LURAP1L: variants seen among roughly 807,000 people sequenced by gnomAD.
LURAP1L encodes the protein leucine rich adaptor protein 1-like.
In LURAP1L, 12 loss-of-function variants were observed where a neutral mutation model predicts 13.8. The observed-to-expected ratio is 0.87, with a 90% CI of 0.56 to 1.41. LURAP1L has a LOEUF of 1.41. LURAP1L is among the 40% of genes most tolerant of loss of function. The pLI is 0.00. For synonymous variants in LURAP1L, 139 were observed against 119.2 expected, an observed-to-expected ratio of 1.17 and a Z score of -1.08; for missense variants, 375 against 292.9, an observed-to-expected ratio of 1.28 and a Z score of -2.04.
intron 1 of LURAP1L, among the ~76,000 whole-genome samples, chr9:12,789,149 A>G (rs192558814): frequency 1.3e-5 from 2 of 152,062 alleles, no homozygotes; most frequent in African/African-American, 4.8e-5. Flanking sequence ...AATAAAAATT[A>G]AAATGTTGGG....
At chr9:12,794,971 C>T (rs970865851) in intron 1 of LURAP1L, among the ~76,000 whole-genome samples, 2 of 151,870 alleles carry the variant, frequency 1.3e-5, no homozygotes, top group Non-Finnish European at 1.5e-5. Context: ...AGATTTTAAC[C>T]TCCATGGTAT....
intron 1 of LURAP1L, among the ~76,000 whole-genome samples, chr9:12,819,709 C>T (rs1329341041): frequency 6.6e-6 from 1 of 152,096 alleles, no homozygotes; most frequent in Non-Finnish European, 1.5e-5. Context: ...AATCTCAGCA[C>T]TTTGGGAGGC....
At chr9:12,793,863 A>C (rs114173555) in intron 1 of LURAP1L, among the ~76,000 whole-genome samples, 3,607 of 152,186 alleles carry the variant, frequency 0.024, 159 homozygotes, top group African/African-American at 0.083. Flanking sequence ...TTTAATTAAT[A>C]AATAAAATGA....
intron 1 of LURAP1L, among the ~76,000 whole-genome samples, chr9:12,800,729 C>G (rs1420113629): frequency 6.6e-6 from 1 of 152,122 alleles, no homozygotes; most frequent in East Asian, 1.9e-4. Context: ...TGCCGTGATT[C>G]TAAGTTTCCT....
intron 1 of LURAP1L, among the ~76,000 whole-genome samples, chr9:12,788,168 A>AAAGG: frequency 6.8e-6 from 1 of 146,928 alleles, no homozygotes; most frequent in East Asian, 2.3e-4. Flanking sequence ...AGAAAGAAAG[A>AAAGG]AAGAAAGAAA....
At chr9:12,805,940 G>A (rs1819650988) in intron 1 of LURAP1L, among the ~76,000 whole-genome samples, 1 of 152,048 alleles carries the variant, frequency 6.6e-6, no homozygotes. Flanking sequence ...GAGCGACAAT[G>A]AAACAAACCA....
intron 1 of LURAP1L, among the ~76,000 whole-genome samples, chr9:12,799,826 A>G (rs1048795262): frequency 6.7e-6 from 1 of 148,884 alleles, no homozygotes; most frequent in African/African-American, 2.5e-5. Flanking sequence ...GTGAGCTGAG[A>G]TCGTGCCACT....
rs556858523 is a variant in LURAP1L at position 12,794,159 on chromosome 9, T to C, written c.312+18132T>C. On this transcript the variant is annotated intron_variant, in intron 1 of 1. Coordinates refer to ENST00000319264, the MANE Select transcript of LURAP1L (RefSeq NM_203403.2). ...AAACAAAGCCAGCTTTCCCCCTTCC[T>C]AAACTGGTTGTTCCGAGTGCCATGC... Among the ~76,000 whole-genome samples the C allele has an allele frequency of 5.9e-5, 9 of 152,164 alleles. No individual in the cohort carries two copies. The South Asian group carries it at 1.7e-3, about 28-fold the overall frequency.
chr9:12,784,578 G>C (rs1214659349), intron 1 of LURAP1L, among the ~76,000 whole-genome samples: 1 of 152,148 alleles, frequency 6.6e-6, no homozygotes, highest in African/African-American at 2.4e-5. Context: ...TCCTAGAATT[G>C]GAGGAGGGGT....
chr9:12,822,885 T>C lies in LURAP1L; in HGVS notation c.*1125T>C, dbSNP rs1230116413. Among the ~76,000 whole-genome samples, 2 of 152,226 alleles carry C rather than the reference T, an allele frequency of 1.3e-5. No individual in the cohort carries two copies. Among genetic ancestry groups the C allele is most frequent in the Admixed American group, 6.5e-5 (1 of 15,280 alleles). On this transcript the variant is annotated 3_prime_UTR_variant, in exon 2 of 2. Coordinates refer to ENST00000319264, the MANE Select transcript of LURAP1L (RefSeq NM_203403.2). ...TCATGCTGTTCTTTGTAATGATAAA[T>C]GTTTCCGGACTAAACACTCTATAAT...
intron 1 of LURAP1L, among the ~76,000 whole-genome samples, chr9:12,779,832 T>C (rs2118457841): frequency 6.6e-6 from 1 of 152,332 alleles, no homozygotes; most frequent in Non-Finnish European, 1.5e-5. Flanking sequence ...TATTTTTGTT[T>C]ACCATAAGCC....
chr9:12,808,157 C>G (rs368113373), intron 1 of LURAP1L, among the ~76,000 whole-genome samples: 3 of 151,416 alleles, frequency 2.0e-5, no homozygotes, highest in African/African-American at 7.3e-5. Context: ...TTTTTCTTTC[C>G]TAATGCTCTT....
At chr9:12,798,895 CAATAT>C (rs1819546605) in intron 1 of LURAP1L, among the ~76,000 whole-genome samples, 2 of 152,102 alleles carry the variant, frequency 1.3e-5, no homozygotes, top group African/African-American at 4.8e-5. Context: ...CTACAATATC[CAATAT>C]AATAGGGTAG....
chr9:12,780,361 A>C (rs1381645259), intron 1 of LURAP1L, among the ~76,000 whole-genome samples: 9 of 152,254 alleles, frequency 5.9e-5, no homozygotes, highest in Admixed American at 5.9e-4. Context: ...CACTCATAGA[A>C]TTCACAAGGA....
intron 1 of LURAP1L, among the ~76,000 whole-genome samples, chr9:12,785,421 T>C (rs1228664007): frequency 6.6e-6 from 1 of 152,078 alleles, no homozygotes; most frequent in East Asian, 1.9e-4. Flanking sequence ...CCCAGCACAG[T>C]ACCAGAACTT....
chr9:12,777,666 T>C, intron 1 of LURAP1L: 1 of 781,054 alleles, frequency 1.3e-6, no homozygotes, highest in Non-Finnish European at 1.6e-6. Flanking sequence ...AGTATTTATA[T>C]ATAACTTGAA....
At chr9:12,801,858 C>G (rs868021057) in intron 1 of LURAP1L, among the ~76,000 whole-genome samples, 35 of 152,326 alleles carry the variant, frequency 2.3e-4, no homozygotes, top group Middle Eastern at 6.8e-3. Flanking sequence ...ATCAAGCCCT[C>G]TGAGTTTTTC....
intron 1 of LURAP1L, among the ~76,000 whole-genome samples, chr9:12,810,325 G>A (rs553925977): frequency 1.3e-5 from 2 of 152,274 alleles, no homozygotes; most frequent in African/African-American, 4.8e-5. Context: ...AGAAAGCTAA[G>A]GCCTTCTGCT....
intron 1 of LURAP1L, among the ~76,000 whole-genome samples, chr9:12,793,137 C>T (rs570652204): frequency 1.3e-5 from 2 of 152,086 alleles, no homozygotes; most frequent in South Asian, 4.1e-4. Context: ...AGAAGTAGAT[C>T]TTGAAATTTC....
Sources: allele counts gnomAD v4.1 joint callset (sites outside exome capture counted in the v4.1 genomes callset), GRCh38; gene constraint gnomAD v4.1.1; transcripts MANE v1.5; gene names NCBI Gene and HGNC (gene_info 2026-07-23, HGNC 2026-07-21).